Variants in CNTN5 observed in about 807,000 individuals in gnomAD.
CNTN5 encodes contactin-5.
Under a neutral mutation model 129.1 loss-of-function variants are expected in CNTN5, and 77 were observed. That is an observed-to-expected ratio of 0.60 (90% CI 0.50 to 0.72). The LOEUF is 0.72. Among genes scored for constraint, CNTN5 ranks in the 30% least tolerant of loss-of-function variants. The pLI is 0.00. For synonymous variants in CNTN5, 509 were observed against 465.6 expected (o/e 1.09, Z -1.20); for missense variants, 1,478 against 1,328.8 (o/e 1.11, Z -1.75).
intron 1 of CNTN5, among the ~76,000 whole-genome samples, chr11:99,181,438 T>C (rs933819529): frequency 1.3e-5 from 2 of 152,198 alleles, no homozygotes; most frequent in Admixed American, 6.5e-5. Flanking sequence ...CCCATTGGTA[T>C]TGGCATATCC....
chr11:100,010,171 T>C (rs1296136757), intron 9 of CNTN5, among the ~76,000 whole-genome samples: 1 of 152,118 alleles, frequency 6.6e-6, no homozygotes, highest in African/African-American at 2.4e-5. Flanking sequence ...AAATGCAGTA[T>C]ATAATTAAAC....
chr11:99,516,356 A>G (rs1189583236), intron 2 of CNTN5, among the ~76,000 whole-genome samples: 1 of 152,262 alleles, frequency 6.6e-6, no homozygotes, highest in East Asian at 1.9e-4. Flanking sequence ...TGGGTAATTA[A>G]AATTCATATT....
chr11:99,434,674 T>A (rs1027894195), intron 2 of CNTN5, among the ~76,000 whole-genome samples: 2 of 152,082 alleles, frequency 1.3e-5, no homozygotes. Context: ...TGAAATCTAC[T>A]GATAGTAGCT....
Position 100,049,676 on chromosome 11 carries a change from A to G in CNTN5, c.981-11536A>G, listed in dbSNP as rs187671612. Among the ~76,000 whole-genome samples, 8 of 152,304 alleles carry G rather than the reference A, an allele frequency of 5.3e-5. 1 individual carries two copies. Among genetic ancestry groups the G allele is most frequent in the Admixed American group, 4.6e-4 (7 of 15,302 alleles). ...GCACAGCAAAAGAAACTACCATCAG[A>G]TTGAACAGGCAACCTACAAAATGGG... On this transcript the variant is annotated intron_variant, in intron 9 of 24. Transcript: ENST00000524871.
At chr11:100,257,623 C>G (rs924481113) in intron 17 of CNTN5, among the ~76,000 whole-genome samples, 1 of 152,192 alleles carries the variant, frequency 6.6e-6, no homozygotes, top group Non-Finnish European at 1.5e-5. Context: ...CCTGCACCCT[C>G]TGCTGGTGAT....
At chr11:99,977,414 T>C (rs1188331597) in intron 8 of CNTN5, among the ~76,000 whole-genome samples, 1 of 152,186 alleles carries the variant, frequency 6.6e-6, no homozygotes, top group African/African-American at 2.4e-5. Context: ...TTACTCCTGG[T>C]AGCAATTTTT....
intron 1 of CNTN5, among the ~76,000 whole-genome samples, chr11:99,114,830 A>ACAATCC (rs1277956617): frequency 1.3e-5 from 2 of 152,176 alleles, no homozygotes; most frequent in Non-Finnish European, 2.9e-5. Flanking sequence ...TGAGTATCAA[A>ACAATCC]CAATCCGTGT....
intron 3 of CNTN5, among the ~76,000 whole-genome samples, chr11:99,773,406 G>A (rs906111591): frequency 1.3e-5 from 2 of 151,858 alleles, no homozygotes; most frequent in African/African-American, 4.8e-5. Flanking sequence ...ATATTTTTGT[G>A]GTTTTTTCTG....
intron 6 of CNTN5, among the ~76,000 whole-genome samples, chr11:99,854,504 AT>A (rs1947973237): frequency 6.6e-6 from 1 of 152,152 alleles, no homozygotes; most frequent in African/African-American, 2.4e-5. Context: ...ATAAACGAGA[AT>A]TTGTAAGTGA....
At chr11:99,444,154 G>A (rs1037225719) in intron 2 of CNTN5, among the ~76,000 whole-genome samples, 4 of 151,984 alleles carry the variant, frequency 2.6e-5, no homozygotes, top group African/African-American at 9.6e-5. Flanking sequence ...AGCCGAGATC[G>A]CCCCACTGCA....
chr11:99,181,382 T>C (rs1196703446), intron 1 of CNTN5, among the ~76,000 whole-genome samples: 2 of 152,126 alleles, frequency 1.3e-5, no homozygotes, highest in Non-Finnish European at 2.9e-5. Context: ...ATAGACTGTT[T>C]GGTTAAAAGA....
intron 7 of CNTN5, among the ~76,000 whole-genome samples, chr11:99,926,302 G>C (rs1950061239): frequency 6.6e-6 from 1 of 152,120 alleles, no homozygotes; most frequent in African/African-American, 2.4e-5. Flanking sequence ...GGGAATCTCA[G>C]AGTTTAAGAA....
intron 2 of CNTN5, among the ~76,000 whole-genome samples, chr11:99,353,253 C>A (rs1299249319): frequency 6.6e-6 from 1 of 152,146 alleles, no homozygotes; most frequent in Non-Finnish European, 1.5e-5. Flanking sequence ...ATAAATCCCA[C>A]GTTTTTATAA....
chr11:99,782,409 A>C (rs1169623524), intron 3 of CNTN5, among the ~76,000 whole-genome samples: 1 of 149,800 alleles, frequency 6.7e-6, no homozygotes, highest in Non-Finnish European at 1.5e-5. Flanking sequence ...TGCCCAAGGT[A>C]ATTTACAGAT....
chr11:99,231,098 G>C (rs929318468), intron 1 of CNTN5, among the ~76,000 whole-genome samples: 1 of 152,114 alleles, frequency 6.6e-6, no homozygotes, highest in Non-Finnish European at 1.5e-5. Flanking sequence ...GTTTTGAATA[G>C]TACTGCAATA....
intron 3 of CNTN5, among the ~76,000 whole-genome samples, chr11:99,613,060 C>T (rs1481648996): frequency 6.6e-6 from 1 of 152,116 alleles, no homozygotes; most frequent in Non-Finnish European, 1.5e-5. Context: ...AGATTTCTGG[C>T]TCAAGGTCTT....
intron 3 of CNTN5, among the ~76,000 whole-genome samples, chr11:99,639,559 GTTTTTTTTTT>G (rs71050010): frequency 7.1e-5 from 5 of 70,322 alleles, no homozygotes; most frequent in South Asian, 6.1e-4. Context: ...TCACCTTTAT[GTTTTTTTTTT>G]TTTTTTTTTT....
chr11:100,185,981 A>C (rs1948290112), intron 13 of CNTN5, among the ~76,000 whole-genome samples: 1 of 152,220 alleles, frequency 6.6e-6, no homozygotes. Context: ...CAATGGGTAA[A>C]CAGACGGTAC....
intron 3 of CNTN5, among the ~76,000 whole-genome samples, chr11:99,730,991 A>T (rs557917888): frequency 5.9e-4 from 90 of 152,036 alleles, no homozygotes; most frequent in Non-Finnish European, 1.1e-3. Flanking sequence ...TGTACTCTCT[A>T]CCTCCATGAG....
Sources: allele counts gnomAD v4.1 joint callset (sites outside exome capture counted in the v4.1 genomes callset), GRCh38; gene constraint gnomAD v4.1.1; transcripts MANE v1.5; gene names NCBI Gene and HGNC (gene_info 2026-07-23, HGNC 2026-07-21).